The following CADM2 variants were observed in gnomAD, a reference collection of about 807,000 sequenced individuals.
The protein encoded by CADM2 is immunoglobulin superfamily member 4D.
CADM2 carries 12 observed loss-of-function variants against 49.8 expected under a neutral mutation model. That is an observed-to-expected ratio of 0.24 (90% CI 0.15 to 0.39). The LOEUF (loss-of-function observed/expected upper bound fraction) is 0.39. Ranked by LOEUF, CADM2 falls within the 10% of genes least tolerant of loss-of-function variation. The pLI is 1.00. For synonymous variants in CADM2, 214 were observed against 175.4 expected, an observed-to-expected ratio of 1.22 and a Z score of -1.74; for missense variants, 378 against 492.3, an observed-to-expected ratio of 0.77 and a Z score of 2.20.
At chr3:85,618,867 A>G (rs919686656) in intron 1 of CADM2, among the ~76,000 whole-genome samples, 2 of 152,094 alleles carry the variant, frequency 1.3e-5, no homozygotes, top group Admixed American at 6.6e-5. Flanking sequence ...ATAATAATCC[A>G]GGAATTTAAA....
At chr3:85,753,669 G>A (rs2068968461) in intron 2 of CADM2, among the ~76,000 whole-genome samples, 1 of 152,152 alleles carries the variant, frequency 6.6e-6, no homozygotes, top group Non-Finnish European at 1.5e-5. Context: ...AACAACATGA[G>A]CAGACAATAT....
At chr3:85,094,012 C>T (rs2107529022) in intron 1 of CADM2, among the ~76,000 whole-genome samples, 1 of 152,138 alleles carries the variant, frequency 6.6e-6, no homozygotes, top group South Asian at 2.1e-4. Context: ...CCCATTTGTA[C>T]ACTAGTGTAA....
chr3:85,128,313 G>T (rs1242210859), intron 1 of CADM2, among the ~76,000 whole-genome samples: 1 of 152,060 alleles, frequency 6.6e-6, no homozygotes, highest in Non-Finnish European at 1.5e-5. Flanking sequence ...CCTTGACCTT[G>T]CAATCAATAT....
chr3:85,434,415 A>G (rs980831394), intron 1 of CADM2, among the ~76,000 whole-genome samples: 1 of 151,964 alleles, frequency 6.6e-6, no homozygotes, highest in Non-Finnish European at 1.5e-5. Flanking sequence ...AAAATTTGAT[A>G]TAACAGTATA....
At chr3:85,765,282 A>T (rs767135408) in intron 2 of CADM2, among the ~76,000 whole-genome samples, 1 of 152,108 alleles carries the variant, frequency 6.6e-6, no homozygotes, top group East Asian at 1.9e-4. Context: ...TGCTTCTAAG[A>T]TTTTAAAATA....
At chr3:85,162,394 T>C (rs1295253359) in intron 1 of CADM2, among the ~76,000 whole-genome samples, 3 of 152,184 alleles carry the variant, frequency 2.0e-5, no homozygotes, top group Admixed American at 6.5e-5. Context: ...GCTTTTTATA[T>C]CAACAAGCAT....
At chr3:85,200,681 A>T (rs1333892574) in intron 1 of CADM2, among the ~76,000 whole-genome samples, 2 of 152,140 alleles carry the variant, frequency 1.3e-5, no homozygotes, top group African/African-American at 4.8e-5. Context: ...TAAACAGGCT[A>T]AGTGGTATTC....
intron 3 of CADM2, among the ~76,000 whole-genome samples, chr3:85,827,559 T>C (rs1005885584): frequency 2.1e-4 from 32 of 151,996 alleles, no homozygotes; most frequent in African/African-American, 7.2e-4. Flanking sequence ...TATGGAAAGC[T>C]TAATCATTTT....
intron 1 of CADM2, among the ~76,000 whole-genome samples, chr3:85,269,503 G>A (rs557792226): frequency 6.6e-6 from 1 of 151,466 alleles, no homozygotes; most frequent in African/African-American, 2.4e-5. Context: ...CTGAGTATCT[G>A]TGGAAAATAG....
At chr3:85,919,527 C>T (rs530604288) in intron 6 of CADM2, among the ~76,000 whole-genome samples, 115 of 151,836 alleles carry the variant, frequency 7.6e-4, no homozygotes, top group Middle Eastern at 6.9e-3. Flanking sequence ...CGTTTGGGTC[C>T]AATTGTTACT....
At position 85,292,502 on chromosome 3, in the gene CADM2, C is replaced by T. The variant is rs1436583103; in HGVS notation, c.61+332834C>T. Among the ~76,000 whole-genome samples the T allele has an allele frequency of 3.4e-3, 511 of 151,770 alleles. 2 individuals are homozygous for T. The highest frequency in any genetic ancestry group is 0.011 in the African/African-American group (455 of 41,220). On this transcript the variant is annotated intron_variant, in intron 1 of 9. Transcript: ENST00000383699. The stretch of plus-strand genomic sequence containing the variant: ...AGAATATACATTTTTTTCAGCACCA[C>T]ACCACACCTATTCCAAAATTGACCA...
At chr3:85,230,158 T>G (rs904220492) in intron 1 of CADM2, among the ~76,000 whole-genome samples, 5 of 152,170 alleles carry the variant, frequency 3.3e-5, no homozygotes, top group Non-Finnish European at 7.4e-5. Flanking sequence ...CCTACAGGAT[T>G]TATTCACAGC....
At chr3:85,858,659 G>A (rs1049050130) in intron 3 of CADM2, among the ~76,000 whole-genome samples, 1 of 152,196 alleles carries the variant, frequency 6.6e-6, no homozygotes, top group Non-Finnish European at 1.5e-5. Flanking sequence ...CCTGAAGTAC[G>A]TGAGTTGAAT....
At chr3:85,128,126 A>G (rs1448842391) in intron 1 of CADM2, among the ~76,000 whole-genome samples, 1 of 152,184 alleles carries the variant, frequency 6.6e-6, no homozygotes, top group East Asian at 1.9e-4. Context: ...TTGAGAAATA[A>G]TGCAACTGAC....
At chr3:85,891,703 G>A (rs1168521208) in intron 5 of CADM2, among the ~76,000 whole-genome samples, 1 of 152,152 alleles carries the variant, frequency 6.6e-6, no homozygotes, top group Admixed American at 6.5e-5. Flanking sequence ...AAGAACTGTG[G>A]GTGACCTCTA....
chr3:85,772,658 G>A (rs988839589), intron 2 of CADM2, among the ~76,000 whole-genome samples: 10 of 152,074 alleles, frequency 6.6e-5, no homozygotes, highest in Non-Finnish European at 1.2e-4. Flanking sequence ...CAGGAAACTG[G>A]CATTCAGAGA....
intron 2 of CADM2, among the ~76,000 whole-genome samples, chr3:85,791,520 G>T (rs1224067586): frequency 6.6e-5 from 9 of 136,812 alleles, no homozygotes; most frequent in African/African-American, 2.5e-4. Flanking sequence ...GGGGTGGGGA[G>T]GGAGAGAGAG....
intron 1 of CADM2, among the ~76,000 whole-genome samples, chr3:85,391,007 A>G (rs1217716920): frequency 6.6e-6 from 1 of 152,058 alleles, no homozygotes; most frequent in Non-Finnish European, 1.5e-5. Flanking sequence ...CTAGACACCT[A>G]GGAATAATCT....
At chr3:85,660,054 T>C (rs938772288) in intron 1 of CADM2, among the ~76,000 whole-genome samples, 2 of 152,160 alleles carry the variant, frequency 1.3e-5, no homozygotes, top group African/African-American at 4.8e-5. Context: ...CAGTGAATGT[T>C]TGAGGTTTAG....
Sources: gnomAD v4.1 joint callset for allele counts (sites outside exome capture counted in the v4.1 genomes callset) on GRCh38, gnomAD v4.1.1 for gene constraint, MANE v1.5 for transcripts, NCBI Gene and HGNC (gene_info 2026-07-23, HGNC 2026-07-21) for gene names.